IKZF1: variants seen among roughly 807,000 people sequenced by gnomAD.
The protein encoded by IKZF1 is IKAROS family zinc finger 1, also known as DNA-binding protein Ikaros.
Under a neutral mutation model 51.7 loss-of-function variants are expected in IKZF1, and 10 were observed. The observed-to-expected ratio is 0.19, with a 90% CI of 0.12 to 0.33. IKZF1 has a LOEUF of 0.33. Among genes scored for constraint, IKZF1 ranks in the 10% least tolerant of loss-of-function variants. The pLI, the probability that IKZF1 is intolerant of heterozygous loss-of-function variation, is 1.00. For synonymous variants in IKZF1, 280 were observed against 282.3 expected (o/e 0.99, Z 0.08); for missense variants, 484 against 707.5 (o/e 0.68, Z 3.58).
intron 3 of IKZF1, among the ~76,000 whole-genome samples, chr7:50,334,806 T>A (rs1050221454): frequency 1.5e-4 from 22 of 150,658 alleles, no homozygotes; most frequent in South Asian, 1.1e-3. Flanking sequence ...GTGGGATGCA[T>A]GATGTGTGGT....
rs1055619314 is a variant in IKZF1 at position 50,402,197 on chromosome 7, A to G, written c.*1570A>G. 4 of 230,582 alleles carry G rather than the reference A, an allele frequency of 1.7e-5. No homozygotes were observed. Among genetic ancestry groups the G allele is most frequent in the Non-Finnish European group, 3.4e-5 (4 of 116,372 alleles). The allele number at this position is 230,582 out of a possible 1,614,324, so 14.3% of individuals were successfully genotyped here. A position where few individuals can be genotyped will look rare whatever the true frequency, so the allele number is the denominator to read the frequency against. The stretch of plus-strand genomic sequence containing the variant: ...CTCAACCACCTAGGCAATGAAGAAT[A>G]TACCATTTCAAATATTTACAGTACT... On this transcript the variant is annotated 3_prime_UTR_variant, in exon 8 of 8. Transcript: ENST00000331340.
chr7:50,312,523 C>T (rs1790441215), intron 1 of IKZF1, among the ~76,000 whole-genome samples: 1 of 152,212 alleles, frequency 6.6e-6, no homozygotes, highest in Non-Finnish European at 1.5e-5. Flanking sequence ...TTTAAAACAA[C>T]TTTTTGAATA....
chr7:50,347,637 A>G (rs1255180488), intron 3 of IKZF1, among the ~76,000 whole-genome samples: 1 of 152,280 alleles, frequency 6.6e-6, no homozygotes, highest in African/African-American at 2.4e-5. Flanking sequence ...TTGTCTGTCC[A>G]ATTTTTAATT....
At chr7:50,344,164 C>G (rs1220914508) in intron 3 of IKZF1, among the ~76,000 whole-genome samples, 1 of 152,202 alleles carries the variant, frequency 6.6e-6, no homozygotes, top group African/African-American at 2.4e-5. Context: ...CCTACCTCCT[C>G]TTTCTTCATC....
intron 2 of IKZF1, among the ~76,000 whole-genome samples, chr7:50,325,637 T>C (rs1293988234): frequency 1.3e-5 from 2 of 151,976 alleles, no homozygotes; most frequent in African/African-American, 4.8e-5. Flanking sequence ...TAGTTGGGCA[T>C]GGTGGGGGAT....
intron 3 of IKZF1, 139 bp downstream of exon 3, chr7:50,327,896 A>T: frequency 2.0e-6 from 2 of 1,007,280 alleles, no homozygotes; most frequent in South Asian, 3.4e-5. Flanking sequence ...TGGCACAAAG[A>T]TCAGCAGGAT....
At chr7:50,370,004 C>A (rs966887954) in intron 3 of IKZF1, among the ~76,000 whole-genome samples, 2 of 152,048 alleles carry the variant, frequency 1.3e-5, no homozygotes, top group Non-Finnish European at 2.9e-5. Context: ...ACAAAAATAT[C>A]TATATATATA....
At chr7:50,391,664 T>A (rs772294398) in intron 6 of IKZF1, 65 bp from the exon 7 acceptor site, 46 of 1,579,486 alleles carry the variant, frequency 2.9e-5, no homozygotes, top group Non-Finnish European at 3.8e-5. Context: ...AGATTTAACA[T>A]TGGACGCGAC....
intron 3 of IKZF1, among the ~76,000 whole-genome samples, chr7:50,344,059 G>A (rs1291753988): frequency 6.6e-6 from 1 of 152,142 alleles, no homozygotes; most frequent in Admixed American, 6.5e-5. Context: ...TCCTCCAGAA[G>A]GTGAGCCCAG....
intron 3 of IKZF1, among the ~76,000 whole-genome samples, chr7:50,361,657 C>T (rs538678258): frequency 6.6e-6 from 1 of 152,312 alleles, no homozygotes; most frequent in Admixed American, 6.5e-5. Flanking sequence ...GTGGGCTGAT[C>T]ACAAGGTCAA....
intron 2 of IKZF1, among the ~76,000 whole-genome samples, chr7:50,323,721 A>C (rs368263336): frequency 1.3e-5 from 2 of 152,180 alleles, no homozygotes; most frequent in Non-Finnish European, 1.5e-5. Context: ...GTGTGTTTGC[A>C]TGTCATTGTA....
intron 3 of IKZF1, among the ~76,000 whole-genome samples, chr7:50,374,081 T>C (rs1442959300): frequency 9.2e-5 from 14 of 152,222 alleles, no homozygotes; most frequent in Non-Finnish European, 2.9e-5. Context: ...TGGTGCATCC[T>C]CACTTCTGTG....
chr7:50,347,886 T>C (rs1158050641), intron 3 of IKZF1, among the ~76,000 whole-genome samples: 1 of 152,196 alleles, frequency 6.6e-6, no homozygotes, highest in Admixed American at 6.5e-5. Flanking sequence ...CGGCTCTTTG[T>C]GACGCTCTGT....
At position 50,401,821 on chromosome 7, in the gene IKZF1, T is replaced by G. The variant is rs1323049711; in HGVS notation, c.*1194T>G. 4.5e-6 allele frequency: 1 copy of G among 223,410 alleles called. No individual in the cohort carries two copies. Among genetic ancestry groups the G allele is most frequent in the Non-Finnish European group, 9.0e-6 (1 of 111,708 alleles). The allele number at this position is 223,410 out of a possible 1,614,324, so 13.8% of individuals were successfully genotyped here. Reference sequence around the variant, plus strand: ...AAATATGTGAAGCCCAGCATCTCTGTTGCTAACACACAGAGCTCACCTGTT... The same window carrying G: ...AAATATGTGAAGCCCAGCATCTCTGGTGCTAACACACAGAGCTCACCTGTT... On this transcript the variant is annotated 3_prime_UTR_variant, in exon 8 of 8. Coordinates refer to ENST00000331340, the MANE Select transcript of IKZF1 (RefSeq NM_006060.6).
intron 3 of IKZF1, among the ~76,000 whole-genome samples, chr7:50,362,147 A>G (rs926618471): frequency 6.6e-6 from 1 of 152,228 alleles, no homozygotes; most frequent in Non-Finnish European, 1.5e-5. Context: ...TCTCCAAATC[A>G]TCTGCTCTGG....
chr7:50,386,663 G>T (rs1270488666), intron 5 of IKZF1, among the ~76,000 whole-genome samples: 1 of 151,556 alleles, frequency 6.6e-6, no homozygotes, highest in Non-Finnish European at 1.5e-5. Flanking sequence ...ACATAAAATA[G>T]AAATACATAT....
intron 3 of IKZF1, among the ~76,000 whole-genome samples, chr7:50,347,552 A>G (rs1800695471): frequency 6.6e-6 from 1 of 152,260 alleles, no homozygotes; most frequent in Non-Finnish European, 1.5e-5. Context: ...GCAGGAAAAC[A>G]TGCCATTGTC....
At chr7:50,364,710 T>A (rs893508291) in intron 3 of IKZF1, among the ~76,000 whole-genome samples, 4 of 152,098 alleles carry the variant, frequency 2.6e-5, no homozygotes, top group African/African-American at 4.8e-5. Context: ...CCAGAAGCAA[T>A]GTGGGAATAT....
chr7:50,367,433 G>A (rs921307254), intron 3 of IKZF1, among the ~76,000 whole-genome samples: 2 of 152,186 alleles, frequency 1.3e-5, no homozygotes, highest in Non-Finnish European at 2.9e-5. Context: ...AAGATTTGAG[G>A]CAGTGATAGC....
Sources: allele counts gnomAD v4.1 joint callset (sites outside exome capture counted in the v4.1 genomes callset), GRCh38; gene constraint gnomAD v4.1.1; transcripts MANE v1.5; gene names NCBI Gene and HGNC (gene_info 2026-07-23, HGNC 2026-07-21).